Variants in SHANK2 observed in about 807,000 individuals in gnomAD.
SHANK2 encodes SH3 and multiple ankyrin repeat domains protein 2.
Under a neutral mutation model 133.7 loss-of-function variants are expected in SHANK2, and 43 were observed. That is an observed-to-expected ratio of 0.32 (90% confidence interval 0.25 to 0.41). SHANK2 has a LOEUF of 0.41. Ranked by LOEUF, SHANK2 falls within the 10% of genes least tolerant of loss-of-function variation. The pLI is 1.00. For missense variants in SHANK2, 1,994 were observed against 2,235.8 expected (o/e 0.89, Z 2.18); for synonymous variants, 1,017 against 952.8 (o/e 1.07, Z -1.24).
intron 14 of SHANK2, among the ~76,000 whole-genome samples, chr11:70,775,940 A>T (rs1430472040): frequency 6.6e-6 from 1 of 152,210 alleles, no homozygotes. Context: ...ACCATATGAC[A>T]GCTTTCATTT....
intron 6 of SHANK2, among the ~76,000 whole-genome samples, chr11:71,103,225 G>A (rs911251876): frequency 2.0e-5 from 3 of 152,194 alleles, no homozygotes; most frequent in Admixed American, 6.5e-5. Context: ...CCAGGACAGC[G>A]GTGCCTGCAG....
intron 13 of SHANK2, among the ~76,000 whole-genome samples, chr11:70,800,703 G>T (rs113219561): frequency 4.9e-4 from 74 of 152,322 alleles, no homozygotes; most frequent in African/African-American, 1.8e-3. Context: ...TCCAAAACTC[G>T]ATGCAGGGCC....
intron 11 of SHANK2, among the ~76,000 whole-genome samples, chr11:70,825,397 ACT>A (rs1948622101): frequency 6.6e-6 from 1 of 152,172 alleles, no homozygotes; most frequent in African/African-American, 2.4e-5. Context: ...CATTCCTAAG[ACT>A]CTGTCAGAAG....
At chr11:70,890,505 A>AAC (rs1949823643) in intron 11 of SHANK2, among the ~76,000 whole-genome samples, 1 of 150,160 alleles carries the variant, frequency 6.7e-6, no homozygotes, top group African/African-American at 2.4e-5. Context: ...AACAAAAAAA[A>AAC]CAAAAAAACA....
At chr11:70,858,980 CA>C (rs1949213497) in intron 11 of SHANK2, among the ~76,000 whole-genome samples, 3 of 152,244 alleles carry the variant, frequency 2.0e-5, no homozygotes, top group African/African-American at 7.2e-5. Flanking sequence ...CCCTGAGTCT[CA>C]TGCTGTCCTT....
intron 6 of SHANK2, among the ~76,000 whole-genome samples, chr11:71,098,841 G>T (rs58902834): frequency 6.6e-5 from 10 of 151,978 alleles, no homozygotes; most frequent in African/African-American, 2.4e-4. Flanking sequence ...CCCCCACCCC[G>T]ATCCCCTTAT....
intron 6 of SHANK2, among the ~76,000 whole-genome samples, chr11:71,097,419 C>T (rs533977851): frequency 1.2e-4 from 19 of 152,302 alleles, no homozygotes; most frequent in Admixed American, 9.2e-4. Flanking sequence ...TATCTGGCAC[C>T]ATGATTCTTA....
chr11:70,890,797 C>CAAA (rs11388360), intron 11 of SHANK2, among the ~76,000 whole-genome samples: 2,016 of 125,114 alleles, frequency 0.016, 80 homozygotes, highest in African/African-American at 0.059. Context: ...GAAACTGTCT[C>CAAA]AAAAAAAAAA....
intron 8 of SHANK2, among the ~76,000 whole-genome samples, chr11:71,077,532 G>A (rs1197164582): frequency 6.6e-6 from 1 of 152,088 alleles, no homozygotes; most frequent in East Asian, 1.9e-4. Flanking sequence ...ACAAACCCGG[G>A]AAATACAGAA....
chr11:70,814,639 C>T (rs1555053886), intron 12 of SHANK2, among the ~76,000 whole-genome samples: 1 of 152,240 alleles, frequency 6.6e-6, no homozygotes, highest in African/African-American at 2.4e-5. Flanking sequence ...TTCCCAGAGC[C>T]CCACTGGGTC....
At chr11:70,870,379 A>G (rs1949440342) in intron 11 of SHANK2, among the ~76,000 whole-genome samples, 1 of 152,202 alleles carries the variant, frequency 6.6e-6, no homozygotes, top group Non-Finnish European at 1.5e-5. Flanking sequence ...GGAAAAGGGC[A>G]GGTGAGCGCC....
chr11:71,142,426 A>AGGAG (rs1218635903), intron 3 of SHANK2, among the ~76,000 whole-genome samples: 1 of 152,146 alleles, frequency 6.6e-6, no homozygotes, highest in African/African-American at 2.4e-5. Context: ...ACTTGAACCC[A>AGGAG]GGAGGCAGAG....
intron 14 of SHANK2, among the ~76,000 whole-genome samples, chr11:70,746,128 A>C (rs525128): frequency 0.45 from 67,774 of 152,050 alleles, 15,409 homozygotes; most frequent in African/African-American, 0.52. Flanking sequence ...CCACGCTTCA[A>C]AGGTGACTCT....
chr11:70,641,948 T>C (rs987567549), intron 17 of SHANK2, among the ~76,000 whole-genome samples: 1 of 152,228 alleles, frequency 6.6e-6, no homozygotes, highest in South Asian at 2.1e-4. Context: ...AGGGTTGCAC[T>C]AGGCAATCCC....
chr11:70,615,394 G>A (rs1285671681), intron 17 of SHANK2, among the ~76,000 whole-genome samples: 1 of 152,144 alleles, frequency 6.6e-6, no homozygotes, highest in Non-Finnish European at 1.5e-5. Context: ...AACACCCCGA[G>A]AGAGGGAGGG....
chr11:70,502,944 G>A lies in SHANK2; in HGVS notation c.2062-13C>T, dbSNP rs782592197. 36 of 1,613,924 alleles carry A rather than the reference G, an allele frequency of 2.2e-5. No individual in the cohort carries two copies. The highest frequency in any genetic ancestry group is 1.1e-4 in the South Asian group (10 of 91,068). On this transcript the variant is annotated splice_polypyrimidine_tract_variant and intron_variant, in intron 17 of 25. Coordinates refer to ENST00000601538, the MANE Select transcript of SHANK2 (RefSeq NM_012309.5). ...TCTCATTGTTAACCTGTGGGAAGGC[G>A]GAGAGGATGGCATCAGTGAGAGCCA...
intron 9 of SHANK2, among the ~76,000 whole-genome samples, chr11:71,074,773 A>AT (rs36140840): frequency 0.035 from 3,212 of 92,284 alleles, 53 homozygotes; most frequent in African/African-American, 0.056. Flanking sequence ...ACCTAAGCCA[A>AT]TTTTTTTTTT....
chr11:70,539,136 G>C (rs781939921), intron 17 of SHANK2, among the ~76,000 whole-genome samples: 1 of 152,192 alleles, frequency 6.6e-6, no homozygotes, highest in Non-Finnish European at 1.5e-5. Context: ...AGACAAGGAA[G>C]AAGGGCTGCA....
At chr11:70,914,994 C>T (rs1462290529) in intron 10 of SHANK2, among the ~76,000 whole-genome samples, 1 of 152,026 alleles carries the variant, frequency 6.6e-6, no homozygotes, top group Non-Finnish European at 1.5e-5. Context: ...GGCTACAACA[C>T]CATTCACTTT....
Sources: gnomAD v4.1 joint callset for allele counts (sites outside exome capture counted in the v4.1 genomes callset) on GRCh38, gnomAD v4.1.1 for gene constraint, MANE v1.5 for transcripts, NCBI Gene and HGNC (gene_info 2026-07-23, HGNC 2026-07-21) for gene names.